The following PPP1R13B variants were observed in gnomAD, a reference collection of about 807,000 sequenced individuals.
The protein encoded by PPP1R13B is apoptosis-stimulating of p53 protein 1.
A neutral mutation model predicts 119.8 loss-of-function variants in PPP1R13B; 44 were observed. The observed-to-expected ratio is 0.37, with a 90% CI of 0.29 to 0.47. The LOEUF is 0.47. Ranked by LOEUF, PPP1R13B falls within the 20% of genes least tolerant of loss-of-function variation. The pLI is 0.99. For missense variants in PPP1R13B, 1,227 were observed against 1,413.5 expected, an observed-to-expected ratio of 0.87 and a Z score of 2.12; for synonymous variants, 542 against 561.5, an observed-to-expected ratio of 0.97 and a Z score of 0.49.
At position 103,738,975 on chromosome 14, in the gene PPP1R13B, C is replaced by T. The variant is rs373141354; in HGVS notation, c.2641G>A (p.Gly881Arg). 6.3e-5 allele frequency: 102 copies of T among 1,613,978 alleles called. No individual in the cohort carries two copies. The highest frequency in any genetic ancestry group is 1.6e-4 in the Middle Eastern group (1 of 6,082). The stretch of plus-strand genomic sequence containing the variant: ...AGGGGGTTAAACCGGACTCTCAGCC[C>T]GTGCCCCGTCCGCTCCGAGTTGGGC... ...KKPNSERTGH[G>R]LRVRFNPLAL... The change falls in exon 13 of 17, where the codon GGG (glycine) becomes AGG (arginine). Residue 881 changes from glycine (G) to arginine (R), a missense_variant. Coordinates refer to ENST00000202556, the MANE Select transcript of PPP1R13B (RefSeq NM_015316.3). This position sits in a 1 kb window ranked among gnomAD's most constrained non-coding sequence, Gnocchi z 5.6.
chr14:103,793,291 C>T (rs1009171666), intron 2 of PPP1R13B, among the ~76,000 whole-genome samples: 2 of 152,114 alleles, frequency 1.3e-5, no homozygotes, highest in African/African-American at 2.4e-5. Flanking sequence ...GAATTGTAAT[C>T]CCCATAATCC....
At chr14:103,751,519 G>C (rs76525869) in intron 7 of PPP1R13B, among the ~76,000 whole-genome samples, 6,485 of 152,254 alleles carry the variant, frequency 0.043, 182 homozygotes, top group Middle Eastern at 0.11. Flanking sequence ...AAAATCTTAA[G>C]GATTGTTAAG....
At chr14:103,825,441 T>C (rs150690974) in intron 1 of PPP1R13B, among the ~76,000 whole-genome samples, 18 of 152,332 alleles carry the variant, frequency 1.2e-4, no homozygotes, top group Non-Finnish European at 2.4e-4. Context: ...AAGTTGTGAA[T>C]GCAAAGGAAA....
chr14:103,790,419 G>A (rs1041739299), intron 2 of PPP1R13B, among the ~76,000 whole-genome samples: 1 of 152,112 alleles, frequency 6.6e-6, no homozygotes, highest in Non-Finnish European at 1.5e-5. Flanking sequence ...AATATTAGGA[G>A]GTGGGGTCTT....
chr14:103,829,227 G>A lies in PPP1R13B; in HGVS notation c.9+18072C>T, dbSNP rs74086451. ...CTTTATTTAATCACACTACTGCTGTGCTTGTTAATGTTGCAGCGAACAAGG... is the reference window on the plus strand; with the variant it reads ...CTTTATTTAATCACACTACTGCTGTACTTGTTAATGTTGCAGCGAACAAGG... On this transcript the variant is annotated intron_variant, in intron 1 of 16. Transcript: ENST00000202556. 4.8e-3 allele frequency among the ~76,000 whole-genome samples: 730 copies of A among 152,242 alleles called. 7 individuals carry two copies. Among genetic ancestry groups the A allele is most frequent in the African/African-American group, 0.017 (693 of 41,544 alleles).
Position 103,735,984 on chromosome 14 carries a change from A to G in PPP1R13B, c.3231+19T>C. The G allele has an allele frequency of 6.2e-7, 1 of 1,613,576 alleles. No individual in the cohort carries two copies. The highest frequency in any genetic ancestry group is 8.5e-7 in the Non-Finnish European group (1 of 1,179,630). On this transcript the variant is annotated intron_variant, in intron 16 of 16. Coordinates refer to ENST00000202556, the MANE Select transcript of PPP1R13B (RefSeq NM_015316.3). ...AGACACGGGCAGCTAGTTTCCCAGTAAGTAACCTGAGTGCTCACCCCCAGC... is the reference window on the plus strand; with the variant it reads ...AGACACGGGCAGCTAGTTTCCCAGTGAGTAACCTGAGTGCTCACCCCCAGC...
At chr14:103,789,304 C>T (rs1042744043) in intron 2 of PPP1R13B, among the ~76,000 whole-genome samples, 32 of 151,958 alleles carry the variant, frequency 2.1e-4, no homozygotes, top group African/African-American at 7.0e-4. Context: ...CTGCAACCTC[C>T]GCCTCCCGGG....
chr14:103,752,915 A>G, intron 7 of PPP1R13B, 85 bp downstream of exon 7: 1 of 1,412,698 alleles, frequency 7.1e-7, no homozygotes, highest in Non-Finnish European at 9.7e-7. Context: ...ATTTGTTTCC[A>G]CTTCCTAAGG....
rs746630022 is a variant in PPP1R13B, at chr14:103,739,927, G to C, written c.2489C>G (p.Thr830Arg). ...AGCCACAGGACTCGGGATCTGCTCC[G>C]TGGTGGGGACCGTGGCCACGTTGTT... The part of the protein sequence containing the change: ...NNNNVATVPT[T>R]EQIPSPVAEA... Residue 830 changes from threonine to arginine, a missense_variant, in exon 12 of 17, where the codon ACG (threonine) becomes AGG (arginine). By Grantham distance (71) the Thr-to-Arg change is moderately conservative. Coordinates refer to ENST00000202556, the MANE Select transcript of PPP1R13B (RefSeq NM_015316.3). 3.7e-6 allele frequency: 6 copies of C among 1,614,018 alleles called. No individual in the cohort carries two copies. Among genetic ancestry groups the C allele is most frequent in the African/African-American group, 1.3e-5 (1 of 74,948 alleles).
chr14:103,781,999 TA>T (rs1191615301), intron 3 of PPP1R13B, among the ~76,000 whole-genome samples: 1 of 152,108 alleles, frequency 6.6e-6, no homozygotes, highest in African/African-American at 2.4e-5. Context: ...AAAATTTCCT[TA>T]TTTTCTTTAA....
intron 3 of PPP1R13B, among the ~76,000 whole-genome samples, chr14:103,781,986 A>G (rs796669951): frequency 6.6e-6 from 1 of 152,090 alleles, no homozygotes; most frequent in Admixed American, 6.6e-5. Context: ...ATACGTGTTC[A>G]AAAAAATTTC....
chr14:103,841,405 C>A (rs1162805353), intron 1 of PPP1R13B, among the ~76,000 whole-genome samples: 1 of 149,764 alleles, frequency 6.7e-6, no homozygotes, highest in African/African-American at 2.5e-5. Flanking sequence ...CTGGCCAACG[C>A]GGTGAAACTC....
chr14:103,742,815 C>T lies in PPP1R13B; in HGVS notation c.1159G>A (p.Gly387Arg). The T allele has an allele frequency of 6.2e-7, 1 of 1,614,018 alleles. No homozygotes were observed. The highest frequency in any genetic ancestry group is 8.5e-7 in the Non-Finnish European group (1 of 1,180,018). The change falls in exon 10 of 17, where the codon GGA (glycine) becomes AGA (arginine). Residue 387 changes from glycine to arginine, a missense_variant. Coordinates refer to ENST00000202556, the MANE Select transcript of PPP1R13B (RefSeq NM_015316.3). This position sits in a 1 kb window ranked among gnomAD's most constrained non-coding sequence, Gnocchi z 4.9. ...AHGRSKSAND[G>R]NWPTLKQNSS... ...TTCTGTTTTAATGTTGGCCAGTTTC[C>T]ATCATTAGCTTGAAAAGAACACAGA...
At position 103,818,505 on chromosome 14, in the gene PPP1R13B, G is replaced by C. The variant is rs183193841; in HGVS notation, c.10-20987C>G. On this transcript the variant is annotated intron_variant, in intron 1 of 16. Coordinates refer to ENST00000202556, the MANE Select transcript of PPP1R13B (RefSeq NM_015316.3). ...CCTGTTTTCACACAGGGAGAAGAACGAATATTTTCTTGGCAGCTACTAGAC... is the reference window on the plus strand; with the variant it reads ...CCTGTTTTCACACAGGGAGAAGAACCAATATTTTCTTGGCAGCTACTAGAC... 1.6e-4 allele frequency: 157 copies of C among 982,678 alleles called. No homozygotes were observed. The African/African-American group carries it at 2.7e-3, about 17-fold the overall frequency. 60.9% of individuals were successfully genotyped at this position (982,678 alleles called of 1,614,324 possible).
chr14:103,783,289 T>G (rs2085378745), intron 3 of PPP1R13B, among the ~76,000 whole-genome samples: 1 of 152,080 alleles, frequency 6.6e-6, no homozygotes, highest in South Asian at 2.1e-4. Flanking sequence ...AGACAGAGTC[T>G]CGCTCTGTCG....
chr14:103,736,524 G>A (rs2084117959), intron 15 of PPP1R13B: 1 of 399,664 alleles, frequency 2.5e-6, no homozygotes. Context: ...GATTTCTAAA[G>A]TCACTAGCTA....
chr14:103,839,519 C>T (rs184732536), intron 1 of PPP1R13B, among the ~76,000 whole-genome samples: 3 of 151,490 alleles, frequency 2.0e-5, no homozygotes, highest in Admixed American at 2.0e-4. Flanking sequence ...CCCAGCTACT[C>T]GAGAGGCTGA....
intron 1 of PPP1R13B, among the ~76,000 whole-genome samples, chr14:103,825,825 T>C (rs189184030): frequency 2.7e-5 from 4 of 148,612 alleles, no homozygotes; most frequent in East Asian, 3.9e-4. Context: ...AACAACACTG[T>C]AGACAGTGAT....
intron 1 of PPP1R13B, among the ~76,000 whole-genome samples, chr14:103,807,067 T>C (rs1460304318): frequency 6.6e-6 from 1 of 152,204 alleles, no homozygotes; most frequent in African/African-American, 2.4e-5. Flanking sequence ...ACCTCTCTGA[T>C]CTCAGTGCTT....
Sources: allele counts gnomAD v4.1 joint callset (sites outside exome capture counted in the v4.1 genomes callset), GRCh38; gene constraint gnomAD v4.1.1; non-coding constraint Gnocchi (gnomAD v3.1); transcripts MANE v1.5; gene names NCBI Gene and HGNC (gene_info 2026-07-23, HGNC 2026-07-21).